ZNF385D: variants seen among roughly 807,000 people sequenced by gnomAD.
ZNF385D encodes zinc finger protein 659.
ZNF385D carries 15 observed loss-of-function variants against 35.8 expected under a neutral mutation model. The ratio of observed to expected loss-of-function variants is 0.42; its 90% confidence interval spans 0.28 to 0.64. The LOEUF is 0.64. Among genes scored for constraint, ZNF385D ranks in the 30% least tolerant of loss-of-function variants. The probability of loss-of-function intolerance (pLI) is 0.23; values close to 1 mark genes in which losing one functional copy is unlikely to be tolerated. For missense variants in ZNF385D, 474 were observed against 494.6 expected (o/e 0.96, Z 0.39); for synonymous variants, 212 against 186.8 (o/e 1.13, Z -1.10).
At chr3:21,543,754 A>G (rs1010873691) in intron 3 of ZNF385D, among the ~76,000 whole-genome samples, 13 of 151,934 alleles carry the variant, frequency 8.6e-5, no homozygotes, top group African/African-American at 3.1e-4. Context: ...CTTTCTTTCT[A>G]GAAGATGTTG....
chr3:21,863,535 G>A (rs147640732), intron 3 of ZNF385D, among the ~76,000 whole-genome samples: 2 of 152,148 alleles, frequency 1.3e-5, no homozygotes, highest in African/African-American at 4.8e-5. Flanking sequence ...GGTCATCAAA[G>A]GAAAGGTTTT....
intron 3 of ZNF385D, among the ~76,000 whole-genome samples, chr3:21,904,040 C>T (rs760429720): frequency 2.0e-5 from 3 of 152,026 alleles, no homozygotes; most frequent in Non-Finnish European, 4.4e-5. Flanking sequence ...CATGGTGGCT[C>T]ACGCCTGTAA....
intron 4 of ZNF385D, among the ~76,000 whole-genome samples, chr3:21,481,763 T>G (rs1704644003): frequency 6.6e-6 from 1 of 152,166 alleles, no homozygotes; most frequent in Non-Finnish European, 1.5e-5. Flanking sequence ...AAACCTCCTT[T>G]CACTGTCTAG....
intron 3 of ZNF385D, chr3:22,168,701 G>C (rs1429720397): frequency 1.7e-6 from 1 of 596,890 alleles, no homozygotes; most frequent in Non-Finnish European, 2.1e-6. Flanking sequence ...AAAATTTTAA[G>C]TAATATTTTT....
chr3:21,936,091 C>G (rs551741266), intron 3 of ZNF385D, among the ~76,000 whole-genome samples: 1 of 151,934 alleles, frequency 6.6e-6, no homozygotes, highest in Non-Finnish European at 1.5e-5. Context: ...ACCAGTTACA[C>G]AGCTAACTGG....
chr3:21,908,674 G>A (rs1027421704), intron 3 of ZNF385D, among the ~76,000 whole-genome samples: 10 of 151,992 alleles, frequency 6.6e-5, no homozygotes, highest in African/African-American at 1.9e-4. Flanking sequence ...ATTCAAGAAT[G>A]ACAGAAGAAA....
intron 1 of ZNF385D, among the ~76,000 whole-genome samples, chr3:21,725,078 G>C (rs1027535840): frequency 1.3e-5 from 2 of 152,168 alleles, no homozygotes; most frequent in African/African-American, 4.8e-5. Flanking sequence ...GCTCCTGAAT[G>C]ACTACTGGAT....
chr3:21,904,955 A>T (rs1699597084), intron 3 of ZNF385D, among the ~76,000 whole-genome samples: 1 of 152,044 alleles, frequency 6.6e-6, no homozygotes, highest in Non-Finnish European at 1.5e-5. Flanking sequence ...AAAGTACAAG[A>T]AAGAAAAAAG....
intron 3 of ZNF385D, among the ~76,000 whole-genome samples, chr3:22,075,797 TCTC>T (rs1246422816): frequency 6.6e-6 from 1 of 151,946 alleles, no homozygotes; most frequent in African/African-American, 2.4e-5. Context: ...CATTTCCTAT[TCTC>T]CTTTGCAAAC....
chr3:22,331,361 T>C (rs1694928074), intron 2 of ZNF385D, among the ~76,000 whole-genome samples: 1 of 149,684 alleles, frequency 6.7e-6, no homozygotes, highest in Non-Finnish European at 1.5e-5. Context: ...TTCTAAGCAA[T>C]TAATGTAAAT....
intron 3 of ZNF385D, among the ~76,000 whole-genome samples, chr3:21,968,556 C>G (rs930704012): frequency 1.3e-5 from 2 of 152,064 alleles, no homozygotes; most frequent in Non-Finnish European, 2.9e-5. Flanking sequence ...CTTTGTCTTG[C>G]ATCTTGAATA....
intron 3 of ZNF385D, among the ~76,000 whole-genome samples, chr3:22,117,080 G>C (rs570243804): frequency 2.6e-5 from 4 of 152,026 alleles, no homozygotes; most frequent in Non-Finnish European, 5.9e-5. Context: ...CCCAAATTCA[G>C]GCTTTGAGAT....
chr3:21,713,493 G>T (rs1189770499), intron 1 of ZNF385D, among the ~76,000 whole-genome samples: 1 of 152,114 alleles, frequency 6.6e-6, no homozygotes. Context: ...TCTCCAGGCT[G>T]GTCTCCTTCC....
chr3:22,006,726 A>C (rs1696232865), intron 3 of ZNF385D, among the ~76,000 whole-genome samples: 1 of 151,970 alleles, frequency 6.6e-6, no homozygotes, highest in Non-Finnish European at 1.5e-5. Context: ...TTTTTTTGTG[A>C]AAACAATAAA....
chr3:22,249,541 G>C (rs1002310977), intron 2 of ZNF385D, among the ~76,000 whole-genome samples: 1 of 152,246 alleles, frequency 6.6e-6, no homozygotes, highest in Admixed American at 6.5e-5. Flanking sequence ...TATGTAAACA[G>C]AACAGTGCAA....
chr3:22,119,964 G>A (rs1025645653), intron 3 of ZNF385D, among the ~76,000 whole-genome samples: 4 of 150,624 alleles, frequency 2.7e-5, no homozygotes, highest in Admixed American at 2.0e-4. Flanking sequence ...CCACAGGCAT[G>A]CTCCAACATA....
At chr3:22,200,631 A>G (rs973043929) in intron 2 of ZNF385D, among the ~76,000 whole-genome samples, 1 of 152,052 alleles carries the variant, frequency 6.6e-6, no homozygotes, top group African/African-American at 2.4e-5. Flanking sequence ...GTCTGACCAA[A>G]ATTTATTAGG....
intron 3 of ZNF385D, among the ~76,000 whole-genome samples, chr3:21,986,507 G>A: frequency 7.5e-6 from 1 of 132,806 alleles, no homozygotes; most frequent in African/African-American, 3.5e-5. Context: ...CTGAGTTCTA[G>A]TTTGATTGCA....
chr3:22,269,787 A>G (rs1181984343), intron 2 of ZNF385D, among the ~76,000 whole-genome samples: 1 of 151,788 alleles, frequency 6.6e-6, no homozygotes, highest in Non-Finnish European at 1.5e-5. Context: ...ATTTTTCTCC[A>G]CATTCTTTAA....
Sources: allele counts gnomAD v4.1 joint callset (sites outside exome capture counted in the v4.1 genomes callset), GRCh38; gene constraint gnomAD v4.1.1; transcripts MANE v1.5; gene names NCBI Gene and HGNC (gene_info 2026-07-23, HGNC 2026-07-21).